Variants in RAP1B observed in about 807,000 individuals in gnomAD.
RAP1B encodes the protein RAP1B, member of RAS oncogene family.
In RAP1B, 1 loss-of-function variant was observed where a neutral mutation model predicts 27.5. The observed-to-expected ratio is 0.04, with a 90% CI of 0.01 to 0.17. RAP1B has a LOEUF of 0.17. RAP1B is among the 10% of genes least tolerant of loss of function. The pLI is 1.00. For synonymous variants in RAP1B, 75 were observed against 73.1 expected, an observed-to-expected ratio of 1.03 and a Z score of -0.13; for missense variants, 84 against 214.8, an observed-to-expected ratio of 0.39 and a Z score of 3.81.
At chr12:68,645,788 T>C (rs1873360950) in intron 1 of RAP1B, among the ~76,000 whole-genome samples, 1 of 152,032 alleles carries the variant, frequency 6.6e-6, no homozygotes, top group African/African-American at 2.4e-5. Flanking sequence ...AAAGCACAGA[T>C]TTGAAAAATA....
intron 1 of RAP1B, among the ~76,000 whole-genome samples, chr12:68,629,516 G>C (rs1872080026): frequency 6.6e-6 from 1 of 152,178 alleles, no homozygotes; most frequent in Admixed American, 6.5e-5. Flanking sequence ...ACCACTTGAA[G>C]AATCTAAATG....
intron 6 of RAP1B, 111 bp from the exon 7 acceptor site, chr12:68,656,990 T>G: frequency 1.1e-6 from 1 of 911,846 alleles, no homozygotes; most frequent in Non-Finnish European, 1.7e-6. Context: ...AGCTGAACAA[T>G]TCTGGGCATT....
chr12:68,661,142 TTGAA>T lies in RAP1B; in HGVS notation c.*1897_*1900del, dbSNP rs1335938543. ...TGCTAATCCCCTAAATACACGCTGT[TTGAA>T]TGATACATTTTTAAAGGCTTTCATG... On this transcript the variant is annotated 3_prime_UTR_variant, in exon 8 of 8. Transcript: ENST00000250559. The T allele has an allele frequency of 1.4e-4, 21 of 152,186 alleles. No homozygotes were observed. The highest frequency in any genetic ancestry group is 7.9e-4 in the Admixed American group (12 of 15,268). 9.4% of individuals were successfully genotyped at this position (152,186 alleles called of 1,614,324 possible).
chr12:68,621,063 C>T (rs563169018), intron 1 of RAP1B, among the ~76,000 whole-genome samples: 2 of 152,128 alleles, frequency 1.3e-5, no homozygotes, highest in Non-Finnish European at 2.9e-5. Flanking sequence ...ATAATTCAGT[C>T]TGAACACCAG....
chr12:68,666,135 G>T lies in RAP1B; in HGVS notation c.*6886G>T, dbSNP rs1413510732. 1 of 152,264 alleles carries T rather than the reference G, an allele frequency of 6.6e-6. No individual in the cohort carries two copies. The allele number at this position is 152,264 out of a possible 1,614,324, so 9.4% of individuals were successfully genotyped here. ...CAAAGTGCTGGGATTACTGGCATGA[G>T]CCACTGCGCCCGGCAAGTTGTCTTT... On this transcript the variant is annotated 3_prime_UTR_variant, in exon 8 of 8. Transcript: ENST00000250559.
At position 68,664,813 on chromosome 12, in the gene RAP1B, C is replaced by T. The variant is rs1277402006; in HGVS notation, c.*5564C>T. The T allele has an allele frequency of 6.6e-6, 1 of 152,168 alleles. No homozygotes were observed. Among genetic ancestry groups the T allele is most frequent in the Non-Finnish European group, 1.5e-5 (1 of 68,032 alleles). 9.4% of individuals were successfully genotyped at this position (152,168 alleles called of 1,614,324 possible). Reference sequence around the variant, plus strand: ...CTATCAGATCTAATAACTTTTCTAACCATAGGTGATTCTTCTTCCATTATC... The same window carrying T: ...CTATCAGATCTAATAACTTTTCTAATCATAGGTGATTCTTCTTCCATTATC... On this transcript the variant is annotated 3_prime_UTR_variant, in exon 8 of 8. Coordinates refer to ENST00000250559, the MANE Select transcript of RAP1B (RefSeq NM_001010942.3).
In RAP1B at chr12:68,611,023, G is replaced by T. The variant is rs1385787934; in HGVS notation, c.-47G>T. The T allele has an allele frequency of 2.5e-5, 8 of 314,434 alleles. No homozygotes were observed. Among genetic ancestry groups the T allele is most frequent in the Middle Eastern group, 8.9e-4 (1 of 1,126 alleles). 19.5% of individuals were successfully genotyped at this position (314,434 alleles called of 1,614,324 possible). A position where few individuals can be genotyped will look rare whatever the true frequency, so the allele number is the denominator to read the frequency against. ...AGCGCGGGGCGACGCTGGCTGCAGG[G>T]ACCCGGTGACAGCGTGAGAGGTTCG... is the stretch of plus-strand genomic sequence containing the variant. On this transcript the variant is annotated 5_prime_UTR_variant, in exon 1 of 8. Transcript: ENST00000250559.
intron 1 of RAP1B, 119 bp from the exon 2 acceptor site, chr12:68,648,580 C>A: frequency 1.2e-6 from 1 of 801,940 alleles, no homozygotes; most frequent in Non-Finnish European, 2.0e-6. Flanking sequence ...GTGCTCCATA[C>A]TAGGGTTGTA....
At chr12:68,634,216 T>G (rs1872470142) in intron 1 of RAP1B, among the ~76,000 whole-genome samples, 1 of 152,246 alleles carries the variant, frequency 6.6e-6, no homozygotes, top group Admixed American at 6.5e-5. Flanking sequence ...TACTGGCTAC[T>G]TCCTATGTGT....
intron 1 of RAP1B, among the ~76,000 whole-genome samples, chr12:68,641,678 A>G (rs978716382): frequency 2.0e-5 from 3 of 152,198 alleles, no homozygotes; most frequent in Non-Finnish European, 2.9e-5. Flanking sequence ...GAATCTTTAA[A>G]TGTAAATGAC....
intron 1 of RAP1B, among the ~76,000 whole-genome samples, chr12:68,647,658 A>T (rs1400335676): frequency 1.3e-5 from 2 of 151,732 alleles, no homozygotes; most frequent in Admixed American, 1.3e-4. Flanking sequence ...ATGGTTGGCA[A>T]ACTTTCAAAG....
intron 1 of RAP1B, among the ~76,000 whole-genome samples, chr12:68,636,573 A>G (rs1872645279): frequency 6.6e-6 from 1 of 152,192 alleles, no homozygotes; most frequent in Admixed American, 6.5e-5. Context: ...GACTCTAGGC[A>G]TGTACCACCA....
At chr12:68,637,527 G>T (rs1202917813) in intron 1 of RAP1B, among the ~76,000 whole-genome samples, 2 of 144,458 alleles carry the variant, frequency 1.4e-5, no homozygotes, top group Non-Finnish European at 3.0e-5. Context: ...AACCAGGGAG[G>T]CTGAGGTTGC....
chr12:68,637,543 G>A (rs147403301), intron 1 of RAP1B, among the ~76,000 whole-genome samples: 1 of 134,572 alleles, frequency 7.4e-6, no homozygotes, highest in Non-Finnish European at 1.5e-5. Flanking sequence ...GTTGCAGTGA[G>A]CTGAGATCAC....
intron 7 of RAP1B, 139 bp from the exon 8 acceptor site, chr12:68,659,141 G>GC (rs1874451148): frequency 5.3e-6 from 2 of 377,298 alleles, no homozygotes; most frequent in South Asian, 2.0e-5. Flanking sequence ...GTGGTATGTT[G>GC]CCACTAATGT....
chr12:68,627,304 C>A, intron 1 of RAP1B: 1 of 816,650 alleles, frequency 1.2e-6, no homozygotes, highest in East Asian at 2.4e-5. Flanking sequence ...ACCAAGGAAG[C>A]TGCTGTTTGC....
At chr12:68,619,609 T>A (rs1378520930) in intron 1 of RAP1B, among the ~76,000 whole-genome samples, 1 of 152,246 alleles carries the variant, frequency 6.6e-6, no homozygotes, top group African/African-American at 2.4e-5. Context: ...CAGATTTATC[T>A]GAAAATGCTA....
rs370235989 is a variant in RAP1B at position 68,665,802 on chromosome 12, C to G, written c.*6553C>G. Reference sequence around the variant, plus strand: ...TGTATATCTGCAGCAACTATAAAGTCTGTTTCAGAGTCAGTATTGGCAAAC... The same window carrying G: ...TGTATATCTGCAGCAACTATAAAGTGTGTTTCAGAGTCAGTATTGGCAAAC... On this transcript the variant is annotated 3_prime_UTR_variant, in exon 8 of 8. Transcript: ENST00000250559. 5 of 151,792 alleles carry G rather than the reference C, an allele frequency of 3.3e-5. No homozygotes were observed. The South Asian group carries it at 1.0e-3, about 32-fold the overall frequency. 9.4% of individuals were successfully genotyped at this position (151,792 alleles called of 1,614,324 possible).
chr12:68,652,454 C>CA lies in RAP1B; in HGVS notation c.183+412dup, dbSNP rs202057900. 2.2e-3 allele frequency among the ~76,000 whole-genome samples: 325 copies of CA among 150,032 alleles called. 1 individual carries two copies. The highest frequency in any genetic ancestry group is 6.8e-3 in the African/African-American group (278 of 40,932). ...TGGGTGACAGAGCGAGACTCTGTGT[C>CA]AAAAAAAAACATAAGACTACTAGTT... On this transcript the variant is annotated intron_variant, in intron 4 of 7. Coordinates refer to ENST00000250559, the MANE Select transcript of RAP1B (RefSeq NM_001010942.3).
Sources: allele counts gnomAD v4.1 joint callset (sites outside exome capture counted in the v4.1 genomes callset), GRCh38; gene constraint gnomAD v4.1.1; transcripts MANE v1.5; gene names NCBI Gene and HGNC (gene_info 2026-07-23, HGNC 2026-07-21).